Variants in HSPA12A observed in about 807,000 individuals in gnomAD.
HSPA12A encodes heat shock protein family A (Hsp70) member 12A, also known as heat shock 70 kDa protein 12A.
A neutral mutation model predicts 69.2 loss-of-function variants in HSPA12A; 28 were observed. The observed-to-expected ratio is 0.40, with a 90% confidence interval of 0.30 to 0.55. HSPA12A has a LOEUF of 0.55. Among genes scored for constraint, HSPA12A ranks in the 20% least tolerant of loss-of-function variants. HSPA12A has a pLI of 0.38. For missense variants in HSPA12A, 686 were observed against 900.7 expected (o/e 0.76, Z 3.05); for synonymous variants, 345 against 370.5 (o/e 0.93, Z 0.79).
chr10:116,678,142 C>T (rs1849292921), intron 10 of HSPA12A, among the ~76,000 whole-genome samples: 1 of 151,800 alleles, frequency 6.6e-6, no homozygotes, highest in South Asian at 2.1e-4. Flanking sequence ...AGTGATGGAC[C>T]AAGATGGTGG....
chr10:116,840,007 G>A (rs569290486), intron 1 of HSPA12A, among the ~76,000 whole-genome samples: 13 of 152,066 alleles, frequency 8.5e-5, no homozygotes, highest in African/African-American at 1.2e-4. Flanking sequence ...GCATACATAC[G>A]GACGGGAAAG....
chr10:116,788,935 A>G (rs1844639920), intron 2 of HSPA12A, among the ~76,000 whole-genome samples: 1 of 148,198 alleles, frequency 6.7e-6, no homozygotes, highest in Admixed American at 6.8e-5. Context: ...GCAAGATCTC[A>G]GCTCACTGCA....
chr10:116,750,292 T>C (rs529391201), intron 2 of HSPA12A: 8 of 801,748 alleles, frequency 1.0e-5, no homozygotes, highest in South Asian at 4.0e-5. Flanking sequence ...ATGAATACAA[T>C]GTAGAAAGCA....
At chr10:116,821,478 T>C (rs1481458966) in intron 2 of HSPA12A, among the ~76,000 whole-genome samples, 1 of 152,222 alleles carries the variant, frequency 6.6e-6, no homozygotes, top group Non-Finnish European at 1.5e-5. Flanking sequence ...ACCTCATTTC[T>C]AGCCCATCAT....
At chr10:116,682,455 T>TGGGG (rs782049148) in intron 7 of HSPA12A, among the ~76,000 whole-genome samples, 83 of 127,606 alleles carry the variant, frequency 6.5e-4, no homozygotes, top group African/African-American at 2.3e-3. Context: ...GTAAATAGAC[T>TGGGG]GGGGGGGGGG....
chr10:116,708,583 T>G (rs1261047361), intron 1 of HSPA12A, among the ~76,000 whole-genome samples: 2 of 152,170 alleles, frequency 1.3e-5, no homozygotes, highest in Non-Finnish European at 2.9e-5. Context: ...AGAGGGAATG[T>G]GAAGCCTCAA....
intron 2 of HSPA12A, among the ~76,000 whole-genome samples, chr10:116,821,479 A>G (rs1249265018): frequency 2.6e-5 from 4 of 152,182 alleles, no homozygotes; most frequent in Admixed American, 2.6e-4. Context: ...CCTCATTTCT[A>G]GCCCATCATT....
intron 11 of HSPA12A, among the ~76,000 whole-genome samples, 189 bp downstream of exon 11, chr10:116,676,210 G>C (rs1298403786): frequency 6.6e-6 from 1 of 152,204 alleles, no homozygotes; most frequent in African/African-American, 2.4e-5. Context: ...CGAGGAGAGG[G>C]ATCCAGAGCC....
At chr10:116,769,587 A>T (rs1436870148) in intron 2 of HSPA12A, among the ~76,000 whole-genome samples, 2 of 152,126 alleles carry the variant, frequency 1.3e-5, no homozygotes, top group East Asian at 1.9e-4. Flanking sequence ...TTTCCCTGAC[A>T]TTGGCTCGGC....
At chr10:116,715,737 G>A (rs1412830867) in intron 1 of HSPA12A, among the ~76,000 whole-genome samples, 15 of 152,304 alleles carry the variant, frequency 9.8e-5, no homozygotes, top group East Asian at 9.7e-4. Flanking sequence ...TTTTTCTTCC[G>A]CTGTCCATCA....
At chr10:116,721,723 G>A (rs914156378) in intron 1 of HSPA12A, among the ~76,000 whole-genome samples, 13 of 152,220 alleles carry the variant, frequency 8.5e-5, no homozygotes, top group Admixed American at 6.5e-4. Context: ...ACTGAGCTGC[G>A]GTGGGGACAG....
upstream of HSPA12A, among the ~76,000 whole-genome samples, chr10:116,742,853 C>T (rs1163585311): frequency 2.0e-5 from 3 of 151,938 alleles, no homozygotes; most frequent in Admixed American, 6.6e-5. Flanking sequence ...GGCTGCGCTG[C>T]GGGAGCGGAT....
chr10:116,805,257 A>C (rs1281874029), intron 2 of HSPA12A, among the ~76,000 whole-genome samples: 1 of 152,206 alleles, frequency 6.6e-6, no homozygotes, highest in Non-Finnish European at 1.5e-5. Context: ...CGGAGCTTGC[A>C]GTGAGCCGAG....
rs186763850 is a variant in HSPA12A at position 116,804,398 on chromosome 10, G to A, written c.91+30537C>T. On this transcript the variant is annotated intron_variant, in intron 2 of 12. Transcript: ENST00000635765. ...AGGGGTTGGGCCTTCGGAAAGCAAAGCTTGCAGCGTCCTATGGGGCTCACA... is the reference window on the plus strand; with the variant it reads ...AGGGGTTGGGCCTTCGGAAAGCAAAACTTGCAGCGTCCTATGGGGCTCACA... Among the ~76,000 whole-genome samples the A allele has an allele frequency of 2.0e-3, 298 of 152,242 alleles. 1 individual carries two copies. The highest frequency in any genetic ancestry group is 6.4e-3 in the African/African-American group (264 of 41,550).
intron 1 of HSPA12A, among the ~76,000 whole-genome samples, chr10:116,735,952 C>T (rs1016956334): frequency 1.3e-5 from 2 of 152,104 alleles, no homozygotes; most frequent in Non-Finnish European, 2.9e-5. Flanking sequence ...GCCAAGATCA[C>T]GCCACTGCTC....
At chr10:116,783,253 G>C (rs1844503123) in intron 2 of HSPA12A, among the ~76,000 whole-genome samples, 1 of 152,212 alleles carries the variant, frequency 6.6e-6, no homozygotes, top group South Asian at 2.1e-4. Flanking sequence ...GAGAGGCTTT[G>C]ATGAGGAGGT....
chr10:116,708,771 T>A (rs1327204448), intron 1 of HSPA12A, among the ~76,000 whole-genome samples: 3 of 152,020 alleles, frequency 2.0e-5, no homozygotes, highest in Non-Finnish European at 4.4e-5. Context: ...AAAAGATATA[T>A]CAACAAGTAT....
chr10:116,753,451 T>A (rs1843753899), intron 2 of HSPA12A, among the ~76,000 whole-genome samples: 1 of 152,240 alleles, frequency 6.6e-6, no homozygotes. Flanking sequence ...TCTTTTGCTG[T>A]GTGGCTTTGC....
chr10:116,812,397 G>A (rs542328721), intron 2 of HSPA12A, among the ~76,000 whole-genome samples: 4 of 152,062 alleles, frequency 2.6e-5, no homozygotes, highest in South Asian at 2.1e-4. Context: ...AGGATGCAGC[G>A]AGTCGAAATT....
Sources: gnomAD v4.1 joint callset for allele counts (sites outside exome capture counted in the v4.1 genomes callset) on GRCh38, gnomAD v4.1.1 for gene constraint, MANE v1.5 for transcripts, NCBI Gene and HGNC (gene_info 2026-07-23, HGNC 2026-07-21) for gene names.